Variants in SEC24B observed in about 807,000 individuals in gnomAD.
SEC24B encodes the protein protein transport protein Sec24B.
In SEC24B, 45 loss-of-function variants were observed where a neutral mutation model predicts 142.8. The observed-to-expected ratio is 0.32, with a 90% CI of 0.25 to 0.40. The LOEUF (loss-of-function observed/expected upper bound fraction) is 0.40. Ranked by LOEUF, SEC24B falls within the 10% of genes least tolerant of loss-of-function variation. SEC24B has a pLI of 1.00. For missense variants in SEC24B, 1,409 were observed against 1,526.8 expected (o/e 0.92, Z 1.29); for synonymous variants, 574 against 568.2 (o/e 1.01, Z -0.15).
intron 11 of SEC24B, 77 bp downstream of exon 11, chr4:109,516,717 A>T (rs1265842793): frequency 1.3e-6 from 1 of 786,932 alleles, no homozygotes; most frequent in African/African-American, 1.7e-5. Context: ...AAGTGTTCGC[A>T]GTTTGTGGGA....
At chr4:109,466,551 G>C (rs1272347714) in intron 2 of SEC24B, among the ~76,000 whole-genome samples, 3 of 152,078 alleles carry the variant, frequency 2.0e-5, no homozygotes, top group Non-Finnish European at 2.9e-5. Flanking sequence ...GCTGGGACTA[G>C]CGGCACCCGC....
intron 11 of SEC24B, among the ~76,000 whole-genome samples, chr4:109,517,565 T>C (rs1053403443): frequency 1.2e-4 from 18 of 152,312 alleles, no homozygotes; most frequent in Admixed American, 3.9e-4. Context: ...ATTGTATTCT[T>C]GGAGAAATGC....
intron 8 of SEC24B, among the ~76,000 whole-genome samples, chr4:109,511,064 T>TA (rs1561156823): frequency 6.6e-6 from 1 of 152,000 alleles, no homozygotes; most frequent in African/African-American, 2.4e-5. Context: ...TCACCTATAA[T>TA]ACTCTGAAAA....
At chr4:109,491,287 G>A in intron 4 of SEC24B, 40 bp from the exon 5 acceptor site, 2 of 1,491,774 alleles carry the variant, frequency 1.3e-6, no homozygotes, top group Admixed American at 1.8e-5. Context: ...AAGATACTTT[G>A]TCATTTTAAA....
intron 1 of SEC24B, among the ~76,000 whole-genome samples, chr4:109,454,988 T>C (rs1730513025): frequency 6.6e-6 from 1 of 152,246 alleles, no homozygotes; most frequent in Admixed American, 6.5e-5. Flanking sequence ...TATCCAATTA[T>C]ACTTCTGCAT....
chr4:109,517,603 C>T (rs1180002920), intron 11 of SEC24B, among the ~76,000 whole-genome samples: 1 of 152,060 alleles, frequency 6.6e-6, no homozygotes, highest in Non-Finnish European at 1.5e-5. Context: ...TGTGTTCTCA[C>T]TACAAAAATT....
intron 6 of SEC24B, among the ~76,000 whole-genome samples, chr4:109,504,411 C>T (rs1736483201): frequency 1.3e-5 from 2 of 151,952 alleles, no homozygotes; most frequent in South Asian, 2.1e-4. Flanking sequence ...AGCCCCACTC[C>T]CTTTTTTTAA....
At chr4:109,442,849 T>C (rs1040538614) in intron 1 of SEC24B, among the ~76,000 whole-genome samples, 10 of 152,206 alleles carry the variant, frequency 6.6e-5, no homozygotes, top group African/African-American at 2.2e-4. Context: ...TTTTGTGTTT[T>C]CCTGTATGTT....
At chr4:109,528,763 GCC>G (rs1724556442) in intron 18 of SEC24B, among the ~76,000 whole-genome samples, 1 of 152,194 alleles carries the variant, frequency 6.6e-6, no homozygotes, top group Non-Finnish European at 1.5e-5. Flanking sequence ...CATGAAACAA[GCC>G]TTGCTATTTC....
intron 15 of SEC24B, 52 bp from the exon 16 acceptor site, chr4:109,525,294 A>G (rs1169492809): frequency 2.8e-6 from 4 of 1,430,520 alleles, no homozygotes; most frequent in South Asian, 1.5e-5. Flanking sequence ...CTGTTGGACA[A>G]GTAAAATATT....
At chr4:109,529,779 G>A (rs1478460742) in intron 18 of SEC24B, among the ~76,000 whole-genome samples, 3 of 152,126 alleles carry the variant, frequency 2.0e-5, no homozygotes, top group African/African-American at 7.2e-5. Context: ...TTGCTCTGTC[G>A]CCCATGCCAG....
chr4:109,455,255 C>CT lies in SEC24B; in HGVS notation c.134-7635dup, dbSNP rs1445581204. 7.9e-3 allele frequency among the ~76,000 whole-genome samples: 1,145 copies of CT among 145,626 alleles called. 14 individuals are homozygous for CT. The highest frequency in any genetic ancestry group is 0.026 in the African/African-American group (1,028 of 39,990). On this transcript the variant is annotated intron_variant, in intron 1 of 23. Coordinates refer to ENST00000265175, the MANE Select transcript of SEC24B (RefSeq NM_006323.5). ...TTAATTTACAATGAGATTTAGGATT[C>CT]TTTTTTTTTTTGGGATGGAGTTTCA...
intron 10 of SEC24B, among the ~76,000 whole-genome samples, chr4:109,514,804 TG>T (rs1425039217): frequency 6.6e-6 from 1 of 152,258 alleles, no homozygotes; most frequent in Non-Finnish European, 1.5e-5. Context: ...GTAAGCGATG[TG>T]CATTAAATTT....
chr4:109,445,139 G>T (rs1324385560), intron 1 of SEC24B, among the ~76,000 whole-genome samples: 5 of 151,916 alleles, frequency 3.3e-5, no homozygotes, highest in Non-Finnish European at 1.5e-5. Flanking sequence ...TGTCCAGGCT[G>T]GTCTTGAACT....
chr4:109,517,075 AT>A (rs1286183702), intron 11 of SEC24B, among the ~76,000 whole-genome samples: 1 of 152,204 alleles, frequency 6.6e-6, no homozygotes, highest in Non-Finnish European at 1.5e-5. Context: ...CCCTCAGAAA[AT>A]TTAATACAAT....
rs1224897340 is a variant in SEC24B, at chr4:109,491,396, G to A, written c.1235G>A (p.Gly412Asp). The A allele has an allele frequency of 2.5e-6, 4 of 1,612,600 alleles. No homozygotes were observed. In the East Asian group the frequency reaches 8.9e-5, roughly 36 times the overall value. The change falls in exon 5 of 24, where the codon GGC (glycine) becomes GAC (aspartate). Residue 412 changes from glycine (G) to aspartate (D), a missense_variant. Coordinates refer to ENST00000265175, the MANE Select transcript of SEC24B (RefSeq NM_006323.5). ...MPNSYDALEG[G>D]SYPDMLSSSA... ...AACAGTTATGATGCCCTGGAAGGAGGCAGTTACCCAGGTAATTTGTTTTGT... is the reference window on the plus strand; with the variant it reads ...AACAGTTATGATGCCCTGGAAGGAGACAGTTACCCAGGTAATTTGTTTTGT...
At chr4:109,530,935 A>G (rs544085422) in intron 19 of SEC24B, among the ~76,000 whole-genome samples, 17 of 151,498 alleles carry the variant, frequency 1.1e-4, no homozygotes, top group African/African-American at 3.9e-4. Flanking sequence ...AGATCAGTGG[A>G]AAATGAAGGT....
At chr4:109,485,359 A>G (rs1291949463) in intron 4 of SEC24B, among the ~76,000 whole-genome samples, 2 of 152,242 alleles carry the variant, frequency 1.3e-5, no homozygotes, top group Non-Finnish European at 2.9e-5. Context: ...AGTAGGCAGA[A>G]TAGAGATTCA....
chr4:109,441,342 T>C (rs1446340760), intron 1 of SEC24B, among the ~76,000 whole-genome samples: 1 of 152,212 alleles, frequency 6.6e-6, no homozygotes, highest in Non-Finnish European at 1.5e-5. Flanking sequence ...ATAGTGATAC[T>C]TCACAGAATT....
Sources: allele counts gnomAD v4.1 joint callset (sites outside exome capture counted in the v4.1 genomes callset), GRCh38; gene constraint gnomAD v4.1.1; transcripts MANE v1.5; gene names NCBI Gene and HGNC (gene_info 2026-07-23, HGNC 2026-07-21).